DOCK3: variants seen among roughly 807,000 people sequenced by gnomAD.
DOCK3 encodes the protein dedicator of cytokinesis 3, also known as dedicator of cytokinesis protein 3.
In DOCK3, 60 loss-of-function variants were observed where a neutral mutation model predicts 265.6. That is an observed-to-expected ratio of 0.23 (90% CI 0.18 to 0.28). The LOEUF (loss-of-function observed/expected upper bound fraction) is 0.28. Among genes scored for constraint, DOCK3 ranks in the 10% least tolerant of loss-of-function variants. DOCK3 has a pLI of 1.00. For missense variants in DOCK3, 1,981 were observed against 2,594.3 expected (o/e 0.76, Z 5.14); for synonymous variants, 881 against 938.0 (o/e 0.94, Z 1.11).
intron 22 of DOCK3, among the ~76,000 whole-genome samples, chr3:51,252,587 T>TA (rs2079313671): frequency 6.6e-6 from 1 of 152,200 alleles, no homozygotes; most frequent in Admixed American, 6.5e-5. Context: ...CATCCCTTGC[T>TA]AGTTGGATTC....
intron 5 of DOCK3, among the ~76,000 whole-genome samples, chr3:50,950,529 G>C (rs2076561639): frequency 6.9e-6 from 1 of 145,864 alleles, no homozygotes; most frequent in Non-Finnish European, 1.5e-5. Context: ...ACCCACAGTA[G>C]TGCTCATTTG....
intron 12 of DOCK3, among the ~76,000 whole-genome samples, chr3:51,201,895 G>A (rs989019387): frequency 4.6e-5 from 7 of 152,012 alleles, no homozygotes; most frequent in South Asian, 2.1e-4. Context: ...ACTACATGGA[G>A]ACTGAACAAC....
At chr3:50,850,258 G>A (rs1453161024) in intron 3 of DOCK3, among the ~76,000 whole-genome samples, 1 of 151,652 alleles carries the variant, frequency 6.6e-6, no homozygotes, top group African/African-American at 2.4e-5. Flanking sequence ...CACTAGGGGG[G>A]CTGAGGCAGG....
chr3:50,830,608 G>A (rs1487119655), intron 2 of DOCK3, among the ~76,000 whole-genome samples: 1 of 152,114 alleles, frequency 6.6e-6, no homozygotes, highest in Non-Finnish European at 1.5e-5. Context: ...GTTGCTGATT[G>A]TTGACTGTCA....
chr3:51,268,399 G>T (rs2080313507), intron 23 of DOCK3, among the ~76,000 whole-genome samples: 3 of 152,104 alleles, frequency 2.0e-5, no homozygotes, highest in Admixed American at 2.0e-4. Flanking sequence ...AACAAATCAA[G>T]AATTCATTAC....
At chr3:50,750,322 A>ATTTTTT (rs34249464) in intron 1 of DOCK3, among the ~76,000 whole-genome samples, 1 of 73,642 alleles carries the variant, frequency 1.4e-5, no homozygotes, top group African/African-American at 5.2e-5. Context: ...TCTACCTTTG[A>ATTTTTT]TTTTTTTTTT....
At chr3:50,742,046 T>C (rs1189140117) in intron 1 of DOCK3, among the ~76,000 whole-genome samples, 1 of 152,216 alleles carries the variant, frequency 6.6e-6, no homozygotes, top group Admixed American at 6.5e-5. Flanking sequence ...CATTTTTTCA[T>C]GTGTTTTTTG....
chr3:51,248,944 A>C (rs1048049324), intron 22 of DOCK3, among the ~76,000 whole-genome samples: 21 of 126,990 alleles, frequency 1.7e-4, no homozygotes, highest in East Asian at 1.3e-3. Context: ...AAGTGAGGAG[A>C]CCCTCCGCCC....
At chr3:51,337,256 C>T (rs549004619) in intron 35 of DOCK3, among the ~76,000 whole-genome samples, 1 of 152,284 alleles carries the variant, frequency 6.6e-6, no homozygotes, top group South Asian at 2.1e-4. Flanking sequence ...TTTTCAACAT[C>T]CTTTTCTTTC....
intron 4 of DOCK3, among the ~76,000 whole-genome samples, chr3:50,905,255 G>A (rs1459519788): frequency 6.6e-6 from 1 of 151,986 alleles, no homozygotes; most frequent in Admixed American, 6.5e-5. Context: ...GCCCTTTTTT[G>A]GTTCCATATG....
rs1157032117 is a variant in DOCK3, at chr3:51,199,474, C to T, written c.1038-9300C>T. Among the ~76,000 whole-genome samples, 10 of 152,302 alleles carry T rather than the reference C, an allele frequency of 6.6e-5. No individual in the cohort carries two copies. The South Asian group carries it at 2.1e-3, about 32-fold the overall frequency. ...CTGAGATCAAACTGCAAGGCGGCAG[C>T]GAGGCTGGGGGAGGGGCGCCCGCCA... On this transcript the variant is annotated intron_variant, in intron 12 of 52. Transcript: ENST00000266037.
intron 5 of DOCK3, among the ~76,000 whole-genome samples, chr3:51,014,992 T>A (rs1386145210): frequency 6.6e-6 from 1 of 152,174 alleles, no homozygotes; most frequent in Non-Finnish European, 1.5e-5. Flanking sequence ...TGATTCAGTA[T>A]CCTCCAACTT....
At chr3:51,134,968 A>G (rs1266011482) in intron 9 of DOCK3, among the ~76,000 whole-genome samples, 1 of 152,214 alleles carries the variant, frequency 6.6e-6, no homozygotes, top group Non-Finnish European at 1.5e-5. Context: ...TAGGCAAGAA[A>G]AGAAATACTT....
intron 3 of DOCK3, among the ~76,000 whole-genome samples, chr3:50,889,362 G>A (rs563893108): frequency 1.3e-5 from 2 of 151,858 alleles, no homozygotes; most frequent in East Asian, 3.9e-4. Context: ...GGGATTACAA[G>A]CATGAGCCGC....
chr3:50,849,386 A>ATATACACGCACACATACACATG (rs2046250049), intron 3 of DOCK3, among the ~76,000 whole-genome samples: 1 of 151,848 alleles, frequency 6.6e-6, no homozygotes, highest in East Asian at 1.9e-4. Flanking sequence ...ACATACACAT[A>ATATACACGCACACATACACATG]TATACACACA....
At chr3:51,020,215 AT>A (rs2079525167) in intron 5 of DOCK3, among the ~76,000 whole-genome samples, 1 of 151,816 alleles carries the variant, frequency 6.6e-6, no homozygotes, top group Admixed American at 6.6e-5. Context: ...CATTTCTCTA[AT>A]GATCAACAAT....
At chr3:51,027,558 T>C (rs2079872589) in intron 5 of DOCK3, among the ~76,000 whole-genome samples, 1 of 152,186 alleles carries the variant, frequency 6.6e-6, no homozygotes, top group Admixed American at 6.5e-5. Flanking sequence ...CCCACTATTA[T>C]TGTGTGGCTG....
chr3:50,845,033 G>A (rs2046014502), intron 3 of DOCK3, among the ~76,000 whole-genome samples: 1 of 152,128 alleles, frequency 6.6e-6, no homozygotes, highest in Non-Finnish European at 1.5e-5. Context: ...GATCAGCCTG[G>A]CCAACATGGA....
Position 51,270,982 on chromosome 3 carries a change from G to A in DOCK3, c.2523G>A (p.Val841=). The change falls in exon 24 of 53, where the codon GTG becomes GTA. Residue 841 remains valine (V), a synonymous_variant. Transcript: ENST00000266037. ...AGCTGCAGTCCATTGCCAGGACAGTGGATAGCCGCCTGTTTTCTTTCTCAG... is the reference window on the plus strand; with the variant it reads ...AGCTGCAGTCCATTGCCAGGACAGTAGATAGCCGCCTGTTTTCTTTCTCAG... ...VVKLQSIART[V]DSRLFSFSES... is the part of the protein sequence containing the mutation. 1.2e-6 allele frequency: 2 copies of A among 1,613,302 alleles called. No individual in the cohort carries two copies. Among genetic ancestry groups the A allele is most frequent in the Non-Finnish European group, 1.7e-6 (2 of 1,179,672 alleles).
Sources: allele counts gnomAD v4.1 joint callset (sites outside exome capture counted in the v4.1 genomes callset), GRCh38; gene constraint gnomAD v4.1.1; transcripts MANE v1.5; gene names NCBI Gene and HGNC (gene_info 2026-07-23, HGNC 2026-07-21).